The following ARMH3 variants were observed in gnomAD, a reference collection of about 807,000 sequenced individuals.
The protein encoded by ARMH3 is armadillo like helical domain containing 3, also known as armadillo-like helical domain-containing protein 3.
In ARMH3, 60 loss-of-function variants were observed where a neutral mutation model predicts 99.1. That is an observed-to-expected ratio of 0.61 (90% CI 0.49 to 0.75). The LOEUF (loss-of-function observed/expected upper bound fraction) is 0.75. Ranked by LOEUF, ARMH3 falls within the 30% of genes least tolerant of loss-of-function variation. ARMH3 has a pLI of 0.00. For synonymous variants in ARMH3, 285 were observed against 292.8 expected (o/e 0.97, Z 0.27); for missense variants, 679 against 843.1 (o/e 0.81, Z 2.41).
chr10:102,039,897 C>T, intron 2 of ARMH3, 116 bp downstream of exon 2: 1 of 924,036 alleles, frequency 1.1e-6, no homozygotes, highest in South Asian at 1.5e-5. Context: ...TCTTTCTCTC[C>T]CCTGTCCCAC....
chr10:102,035,705 G>A (rs373138551), intron 2 of ARMH3, among the ~76,000 whole-genome samples: 2 of 152,228 alleles, frequency 1.3e-5, no homozygotes, highest in African/African-American at 2.4e-5. Context: ...TTCACTCAGC[G>A]CTCAATGTTG....
At position 101,917,597 on chromosome 10, in the gene ARMH3, T is replaced by C. The variant is rs530942889; in HGVS notation, c.1781+22266A>G. ...AGTTTTTATTTCACTTGGGTAAACA[T>C]TTAGGAGTGGACTGCTGGAAGGTCT... On this transcript the variant is annotated intron_variant, in intron 23 of 25. Coordinates refer to ENST00000370033, the MANE Select transcript of ARMH3 (RefSeq NM_024541.3). Among the ~76,000 whole-genome samples, 10 of 152,306 alleles carry C rather than the reference T, an allele frequency of 6.6e-5. No individual in the cohort carries two copies. In the East Asian group the frequency reaches 1.9e-3, roughly 29 times the overall value.
chr10:101,979,320 CATGG>C (rs1218783101), intron 19 of ARMH3, among the ~76,000 whole-genome samples: 2 of 152,046 alleles, frequency 1.3e-5, no homozygotes, highest in Non-Finnish European at 2.9e-5. Context: ...ATGGCTACAA[CATGG>C]ATGAATATGG....
chr10:101,902,404 T>C (rs567363968), intron 23 of ARMH3, among the ~76,000 whole-genome samples: 1 of 152,260 alleles, frequency 6.6e-6, no homozygotes, highest in African/African-American at 2.4e-5. Flanking sequence ...CAGAAACCGA[T>C]ACATCTCTAA....
intron 25 of ARMH3, 57 bp from the exon 26 acceptor site, chr10:101,847,677 G>T: frequency 6.6e-7 from 1 of 1,512,500 alleles, no homozygotes; most frequent in Non-Finnish European, 9.2e-7. Flanking sequence ...AAACAGGAGA[G>T]AGTCAGTTCT....
chr10:101,936,953 C>T (rs979397655), intron 23 of ARMH3, among the ~76,000 whole-genome samples: 15 of 152,200 alleles, frequency 9.9e-5, no homozygotes, highest in Non-Finnish European at 4.4e-5. Context: ...CTCACAACTA[C>T]TACCTGGTGA....
chr10:101,907,914 G>A (rs2135529829), intron 23 of ARMH3, among the ~76,000 whole-genome samples: 1 of 152,232 alleles, frequency 6.6e-6, no homozygotes, highest in Middle Eastern at 3.4e-3. Flanking sequence ...CAGCTCCCAT[G>A]CCGCACTTCA....
rs760212031 is a variant in ARMH3 at position 102,011,771 on chromosome 10, G to A, written c.783C>T (p.Asp261=). 5 of 1,608,938 alleles carry A rather than the reference G, an allele frequency of 3.1e-6. No homozygotes were observed. The highest frequency in any genetic ancestry group is 4.2e-6 in the Non-Finnish European group (5 of 1,177,300). ...AACCACTTTGGTGTTCTTCTTCCTT[G>A]TCTTTATACTGCCTAAACAAAAAGA... ...ALSEYNRQYK[D]KEEEHQSGFF... Residue 261 remains aspartate, a synonymous_variant, in exon 11 of 26, where the codon GAC becomes GAT. Coordinates refer to ENST00000370033, the MANE Select transcript of ARMH3 (RefSeq NM_024541.3).
chr10:101,872,536 A>G (rs1361408056), intron 24 of ARMH3, among the ~76,000 whole-genome samples: 2 of 152,106 alleles, frequency 1.3e-5, no homozygotes, highest in African/African-American at 4.8e-5. Flanking sequence ...GTCTCTACTA[A>G]AAATACAAAA....
intron 13 of ARMH3, among the ~76,000 whole-genome samples, chr10:102,008,450 G>C (rs1443531263): frequency 6.6e-6 from 1 of 152,136 alleles, no homozygotes; most frequent in East Asian, 1.9e-4. Flanking sequence ...CCTCTTCTAT[G>C]CCAATTACTG....
chr10:101,871,113 T>A (rs753795504), intron 24 of ARMH3, among the ~76,000 whole-genome samples: 2 of 152,162 alleles, frequency 1.3e-5, no homozygotes, highest in Non-Finnish European at 2.9e-5. Flanking sequence ...AAAAATGAAA[T>A]ATTTAGGGAT....
chr10:101,928,159 T>G (rs1447710121), intron 23 of ARMH3, among the ~76,000 whole-genome samples: 2 of 152,214 alleles, frequency 1.3e-5, no homozygotes, highest in Non-Finnish European at 2.9e-5. Flanking sequence ...ATAGTTAAAG[T>G]AAGGTCACCA....
chr10:101,991,451 G>A (rs1846789948), intron 18 of ARMH3, among the ~76,000 whole-genome samples: 1 of 152,054 alleles, frequency 6.6e-6, no homozygotes, highest in Non-Finnish European at 1.5e-5. Flanking sequence ...CGTGATCTTG[G>A]CTCACTGCAA....
chr10:101,889,500 A>G lies in ARMH3; in HGVS notation c.1782-10T>C, dbSNP rs2067635593. ...GTGGTTGATGATGGCTCTGAAACAA[A>G]GAATTCGTATTAATATGGTGCCAGA... is the stretch of plus-strand genomic sequence containing the variant. On this transcript the variant is annotated splice_polypyrimidine_tract_variant and intron_variant, in intron 23 of 25. Coordinates refer to ENST00000370033, the MANE Select transcript of ARMH3 (RefSeq NM_024541.3). The G allele has an allele frequency of 6.2e-7, 1 of 1,605,740 alleles. No individual in the cohort carries two copies. The highest frequency in any genetic ancestry group is 8.5e-7 in the Non-Finnish European group (1 of 1,172,452).
At chr10:102,043,173 C>A (rs2067463498) in intron 1 of ARMH3, among the ~76,000 whole-genome samples, 1 of 152,194 alleles carries the variant, frequency 6.6e-6, no homozygotes. Flanking sequence ...TCCTATTTCA[C>A]AACCATCCCC....
At chr10:102,032,506 T>G (rs2067154697) in intron 4 of ARMH3, among the ~76,000 whole-genome samples, 1 of 152,152 alleles carries the variant, frequency 6.6e-6, no homozygotes, top group South Asian at 2.1e-4. Flanking sequence ...GTTCAAGCAA[T>G]TCTCCTGCCT....
chr10:102,044,042 G>A (rs891433259), intron 1 of ARMH3, among the ~76,000 whole-genome samples: 2 of 150,462 alleles, frequency 1.3e-5, no homozygotes, highest in Non-Finnish European at 2.9e-5. Context: ...TCAGCCTTGT[G>A]AGTAGCTGGG....
chr10:101,923,283 A>G (rs1428110197), intron 23 of ARMH3, among the ~76,000 whole-genome samples: 1 of 152,222 alleles, frequency 6.6e-6, no homozygotes, highest in African/African-American at 2.4e-5. Flanking sequence ...CACTATATTT[A>G]TAATTAGGCT....
intron 20 of ARMH3, among the ~76,000 whole-genome samples, chr10:101,972,217 C>G (rs925356283): frequency 6.6e-6 from 1 of 152,134 alleles, no homozygotes; most frequent in African/African-American, 2.4e-5. Context: ...AGACCTCTGG[C>G]TACCTCCCCA....
Sources: gnomAD v4.1 joint callset for allele counts (sites outside exome capture counted in the v4.1 genomes callset) on GRCh38, gnomAD v4.1.1 for gene constraint, MANE v1.5 for transcripts, NCBI Gene and HGNC (gene_info 2026-07-23, HGNC 2026-07-21) for gene names.